The following MED6 variants were observed in gnomAD, a reference collection of about 807,000 sequenced individuals.
MED6 encodes the protein mediator complex subunit 6.
A neutral mutation model predicts 37.5 loss-of-function variants in MED6; 33 were observed. The observed-to-expected ratio is 0.88, with a 90% CI of 0.67 to 1.18. MED6 has a LOEUF of 1.18. MED6 is among the 50% of genes most tolerant of loss of function. MED6 has a pLI of 0.00. For missense variants in MED6, 235 were observed against 290.6 expected, an observed-to-expected ratio of 0.81 and a Z score of 1.39; for synonymous variants, 94 against 93.6, an observed-to-expected ratio of 1.00 and a Z score of -0.02.
At chr14:70,595,900 A>C (rs1014879566) in intron 3 of MED6, 2 of 538,716 alleles carry the variant, frequency 3.7e-6, no homozygotes, top group African/African-American at 1.9e-5. Flanking sequence ...AAACAAAACA[A>C]AATTACTTGG....
At chr14:70,586,273 T>C (rs1402578211) in intron 6 of MED6, among the ~76,000 whole-genome samples, 1 of 152,184 alleles carries the variant, frequency 6.6e-6, no homozygotes, top group Non-Finnish European at 1.5e-5. Context: ...GATGAGTCTA[T>C]TATTAAAAAC....
intron 5 of MED6, 96 bp from the exon 6 acceptor site, chr14:70,591,477 C>A (rs1440669419): frequency 2.9e-5 from 27 of 924,564 alleles, no homozygotes; most frequent in Admixed American, 1.6e-4. Flanking sequence ...ACCCAAACTT[C>A]ATTATTTTTA....
chr14:70,587,927 A>G (rs965687543), intron 6 of MED6, among the ~76,000 whole-genome samples: 10 of 152,260 alleles, frequency 6.6e-5, no homozygotes, highest in African/African-American at 2.4e-4. Context: ...AGAAGCAGAC[A>G]GGACTTCTCC....
At chr14:70,588,846 T>G (rs919498665) in intron 6 of MED6, among the ~76,000 whole-genome samples, 9 of 151,994 alleles carry the variant, frequency 5.9e-5, no homozygotes, top group Non-Finnish European at 1.0e-4. Context: ...TTATTCTCTC[T>G]GCTTTCATGT....
chr14:70,595,774 A>C, intron 3 of MED6: 1 of 708,096 alleles, frequency 1.4e-6, no homozygotes, highest in Non-Finnish European at 2.6e-6. Flanking sequence ...CCCGCCAGGT[A>C]GTGGATGGCA....
Position 70,584,432 on chromosome 14 carries a change from C to T in MED6, c.*381G>A. The T allele has an allele frequency of 2.9e-6, 1 of 349,846 alleles. No homozygotes were observed. Among genetic ancestry groups the T allele is most frequent in the Non-Finnish European group, 5.2e-6 (1 of 193,640 alleles). 21.7% of individuals were successfully genotyped at this position (349,846 alleles called of 1,614,324 possible). A position where few individuals can be genotyped will look rare whatever the true frequency, so the allele number is the denominator to read the frequency against. On this transcript the variant is annotated 3_prime_UTR_variant, in exon 8 of 8. Transcript: ENST00000256379. ...CTCTGTCGCCCAAGCTGGAGTGCAA[C>T]AGCATGATAATCAGCTCAGGGCAAC... is the stretch of plus-strand genomic sequence containing the variant.
At chr14:70,595,961 C>T (rs1885033432) in intron 3 of MED6, among the ~76,000 whole-genome samples, 1 of 152,160 alleles carries the variant, frequency 6.6e-6, no homozygotes, top group African/African-American at 2.4e-5. Flanking sequence ...AAAGAGGTAG[C>T]TTTGATGCAG....
intron 6 of MED6, among the ~76,000 whole-genome samples, chr14:70,587,788 C>T (rs1018002891): frequency 1.3e-5 from 2 of 152,190 alleles, no homozygotes; most frequent in Non-Finnish European, 2.9e-5. Flanking sequence ...GGTATTCTAG[C>T]AGCTTCTAAA....
At chr14:70,590,112 A>G (rs548180149) in intron 6 of MED6, among the ~76,000 whole-genome samples, 1 of 152,316 alleles carries the variant, frequency 6.6e-6, no homozygotes, top group Non-Finnish European at 1.5e-5. Context: ...CTGCACTTAC[A>G]TCACAACTCA....
chr14:70,585,132 G>C (rs1215471097), intron 7 of MED6, among the ~76,000 whole-genome samples, 189 bp from the exon 8 acceptor site: 1 of 152,118 alleles, frequency 6.6e-6, no homozygotes, highest in Non-Finnish European at 1.5e-5. Context: ...AAAACTCAAG[G>C]AAATTAATGA....
chr14:70,597,546 C>G, intron 2 of MED6, 72 bp downstream of exon 2: 1 of 1,299,200 alleles, frequency 7.7e-7, no homozygotes, highest in Non-Finnish European at 1.0e-6. Flanking sequence ...ACTTCATGAT[C>G]CACAGTTTGA....
At position 70,591,377 on chromosome 14, in the gene MED6, T is replaced by C; in HGVS notation, c.471A>G (p.Lys157=). The change falls in exon 6 of 8, where the codon AAA becomes AAG. Residue 157 remains lysine (K), a synonymous_variant. Coordinates refer to ENST00000256379, the MANE Select transcript of MED6 (RefSeq NM_005466.4). Reference sequence around the variant, plus strand: ...CTTTCCTTTTGGCTTTAGGTCTGACTTTATCTATTAAAATACGAAGTCCAA... The same window carrying C: ...CTTTCCTTTTGGCTTTAGGTCTGACCTTATCTATTAAAATACGAAGTCCAA... ...WHFKDHEEQD[K]VRPKAKRKEE... 1 of 1,598,774 alleles carries C rather than the reference T, an allele frequency of 6.3e-7. No individual in the cohort carries two copies. The highest frequency in any genetic ancestry group is 8.5e-7 in the Non-Finnish European group (1 of 1,175,318).
At chr14:70,595,222 G>C (rs771753364) in intron 3 of MED6, 1 of 541,930 alleles carries the variant, frequency 1.8e-6, no homozygotes, top group African/African-American at 1.9e-5. Flanking sequence ...TACAAGCCCA[G>C]ACTGCCAGCT....
At chr14:70,597,137 A>G (rs1689215257) in intron 2 of MED6, among the ~76,000 whole-genome samples, 1 of 152,232 alleles carries the variant, frequency 6.6e-6, no homozygotes, top group African/African-American at 2.4e-5. Flanking sequence ...AAATTTTTTT[A>G]CCTGACAGAT....
chr14:70,584,710 A>T lies in MED6; in HGVS notation c.*103T>A. ...TTCAAAAAATAAGCGCATTCCATAC[A>T]AATAAGAAGGTTACAATAAAGTACT... On this transcript the variant is annotated 3_prime_UTR_variant, in exon 8 of 8. Transcript: ENST00000256379. The T allele has an allele frequency of 2.8e-6, 4 of 1,405,454 alleles. No individual in the cohort carries two copies. The highest frequency in any genetic ancestry group is 2.9e-6 in the Non-Finnish European group (3 of 1,038,438). The allele number at this position is 1,405,454 out of a possible 1,614,324, so 87.1% of individuals were successfully genotyped here.
At chr14:70,597,344 G>C (rs1885076382) in intron 2 of MED6, among the ~76,000 whole-genome samples, 1 of 152,112 alleles carries the variant, frequency 6.6e-6, no homozygotes, top group South Asian at 2.1e-4. Context: ...TAGTTGCCTG[G>C]TTGAGAATAA....
At chr14:70,595,222 G>A in intron 3 of MED6, 1 of 542,050 alleles carries the variant, frequency 1.8e-6, no homozygotes, top group Non-Finnish European at 3.6e-6. Flanking sequence ...TACAAGCCCA[G>A]ACTGCCAGCT....
chr14:70,584,322 A>G lies in MED6; in HGVS notation c.*491T>C, dbSNP rs576170948. The G allele has an allele frequency of 2.1e-5, 11 of 526,304 alleles. No homozygotes were observed. The African/African-American group carries it at 2.1e-4, about 10-fold the overall frequency. The allele number at this position is 526,304 out of a possible 1,614,324, so 32.6% of individuals were successfully genotyped here. ...TAGGTTGCTCAAGTCCGGGAGAGGA[A>G]AGGTTACAGAAGACATATAACAAAT... On this transcript the variant is annotated 3_prime_UTR_variant, in exon 8 of 8. Transcript: ENST00000256379.
chr14:70,593,081 A>G, intron 4 of MED6, 93 bp from the exon 5 acceptor site: 1 of 1,538,192 alleles, frequency 6.5e-7, no homozygotes, highest in Non-Finnish European at 8.9e-7. Context: ...GCAAAGACAG[A>G]ACCTATTTTT....
Sources: allele counts gnomAD v4.1 joint callset (sites outside exome capture counted in the v4.1 genomes callset), GRCh38; gene constraint gnomAD v4.1.1; transcripts MANE v1.5; gene names NCBI Gene and HGNC (gene_info 2026-07-23, HGNC 2026-07-21).